Variants in LINGO2 observed in about 807,000 individuals in gnomAD.
LINGO2 encodes the protein leucine rich repeat and Ig domain containing 2, also known as leucine-rich repeat and immunoglobulin-like domain-containing nogo receptor-interacting protein 2.
Under a neutral mutation model 30.6 loss-of-function variants are expected in LINGO2, and 14 were observed. That is an observed-to-expected ratio of 0.46 (90% CI 0.30 to 0.72). The LOEUF (loss-of-function observed/expected upper bound fraction) is 0.72. LINGO2 is among the 30% of genes least tolerant of loss of function. The probability of loss-of-function intolerance (pLI) is 0.07; values close to 1 mark genes in which losing one functional copy is unlikely to be tolerated. For missense variants in LINGO2, 729 were observed against 751.7 expected (o/e 0.97, Z 0.35); for synonymous variants, 317 against 288.5 (o/e 1.10, Z -1.00).
chr9:28,718,441 G>A, the LINGO2 span, among the ~76,000 whole-genome samples: 3 of 151,950 alleles, frequency 2.0e-5, no homozygotes, highest in African/African-American at 7.2e-5. Flanking sequence ...ACCAAACATT[G>A]CTATCATACC....
At chr9:28,982,001 A>G in the LINGO2 span, among the ~76,000 whole-genome samples, 1 of 152,156 alleles carries the variant, frequency 6.6e-6, no homozygotes, top group Non-Finnish European at 1.5e-5. Flanking sequence ...AGAAGTCTAG[A>G]GTAAAAAGAG....
chr9:28,620,734 C>T (rs192969600), intron 1 of LINGO2, among the ~76,000 whole-genome samples: 56 of 152,060 alleles, frequency 3.7e-4, no homozygotes, highest in Admixed American at 1.3e-3. Flanking sequence ...GAACAGAAAA[C>T]CAAACACCAC....
chr9:29,050,534 G>T, the LINGO2 span, among the ~76,000 whole-genome samples: 1 of 152,194 alleles, frequency 6.6e-6, no homozygotes, highest in South Asian at 2.1e-4. Flanking sequence ...CCTATAGATG[G>T]TGAGTGGGAA....
chr9:29,075,670 G>C, the LINGO2 span, among the ~76,000 whole-genome samples: 1 of 152,008 alleles, frequency 6.6e-6, no homozygotes, highest in Admixed American at 6.6e-5. Flanking sequence ...TTAAAATCCT[G>C]GTGTTTTAAG....
chr9:28,578,164 T>C (rs1460497927), intron 1 of LINGO2, among the ~76,000 whole-genome samples: 2 of 152,134 alleles, frequency 1.3e-5, no homozygotes, highest in Admixed American at 6.6e-5. Flanking sequence ...TTATACATGA[T>C]GAAGAAGGGT....
At chr9:28,042,376 A>C (rs1342530428) in intron 4 of LINGO2, among the ~76,000 whole-genome samples, 4 of 152,206 alleles carry the variant, frequency 2.6e-5, no homozygotes, top group Non-Finnish European at 5.9e-5. Context: ...ATAAAACAGC[A>C]AAATCTGACA....
chr9:28,471,517 G>A (rs1825519312), intron 2 of LINGO2, among the ~76,000 whole-genome samples: 1 of 151,962 alleles, frequency 6.6e-6, no homozygotes, highest in Non-Finnish European at 1.5e-5. Context: ...GCTACACAGG[G>A]GACCACATTT....
At chr9:28,132,336 T>C (rs1827400566) in intron 4 of LINGO2, among the ~76,000 whole-genome samples, 1 of 151,786 alleles carries the variant, frequency 6.6e-6, no homozygotes, top group African/African-American at 2.4e-5. Flanking sequence ...TGTAGAGCTA[T>C]TGAAAGATAA....
At chr9:28,897,626 T>C in the LINGO2 span, among the ~76,000 whole-genome samples, 1 of 152,282 alleles carries the variant, frequency 6.6e-6, no homozygotes, top group East Asian at 1.9e-4. Context: ...TCTGATATTT[T>C]CTATTAGTTA....
chr9:28,943,568 T>A, the LINGO2 span, among the ~76,000 whole-genome samples: 1 of 152,202 alleles, frequency 6.6e-6, no homozygotes, highest in Non-Finnish European at 1.5e-5. Context: ...TGAATGCTGT[T>A]AAGAAAGGCA....
At chr9:28,728,760 G>A in the LINGO2 span, among the ~76,000 whole-genome samples, 1 of 151,924 alleles carries the variant, frequency 6.6e-6, no homozygotes, top group Non-Finnish European at 1.5e-5. Flanking sequence ...AAAATGTTGG[G>A]AACTCAAAGA....
At chr9:29,160,316 T>C in the LINGO2 span, among the ~76,000 whole-genome samples, 37,856 of 152,126 alleles carry the variant, frequency 0.25, 4,903 homozygotes, top group East Asian at 0.44. Flanking sequence ...GTTTCTGAAG[T>C]GACAACACTT....
the LINGO2 span, among the ~76,000 whole-genome samples, chr9:29,134,370 AT>A: frequency 9.9e-5 from 15 of 151,838 alleles, no homozygotes; most frequent in Admixed American, 3.3e-4. Flanking sequence ...CAAAATAAAC[AT>A]TTTTTTATTC....
At chr9:29,171,250 T>C in the LINGO2 span, among the ~76,000 whole-genome samples, 9 of 152,114 alleles carry the variant, frequency 5.9e-5, no homozygotes, top group African/African-American at 2.2e-4. Context: ...AGTTCATACT[T>C]GTAAGGACCA....
the LINGO2 span, among the ~76,000 whole-genome samples, chr9:29,013,109 C>T: frequency 6.6e-6 from 1 of 152,174 alleles, no homozygotes; most frequent in Non-Finnish European, 1.5e-5. Flanking sequence ...ATGGGAAAAT[C>T]TCGTATTGAC....
chr9:28,846,739 A>T, the LINGO2 span, among the ~76,000 whole-genome samples: 1 of 147,520 alleles, frequency 6.8e-6, no homozygotes, highest in Non-Finnish European at 1.5e-5. Flanking sequence ...ACTGCATTTC[A>T]CTTCCCTGTT....
At chr9:29,144,383 C>T in the LINGO2 span, among the ~76,000 whole-genome samples, 1 of 151,924 alleles carries the variant, frequency 6.6e-6, no homozygotes, top group African/African-American at 2.4e-5. Flanking sequence ...TTGATTCTTC[C>T]TGTCTACGAA....
At chr9:28,153,806 T>A (rs1194811205) in intron 4 of LINGO2, among the ~76,000 whole-genome samples, 1 of 152,102 alleles carries the variant, frequency 6.6e-6, no homozygotes, top group East Asian at 1.9e-4. Context: ...AAATTAATAA[T>A]TAAACAGTAA....
chr9:28,697,249 T>G, the LINGO2 span, among the ~76,000 whole-genome samples: 3 of 152,036 alleles, frequency 2.0e-5, no homozygotes, highest in South Asian at 6.2e-4. Context: ...TTTCCTCTTC[T>G]TCCTAGTGTT....
Sources: gnomAD v4.1 joint callset for allele counts (sites outside exome capture counted in the v4.1 genomes callset) on GRCh38, gnomAD v4.1.1 for gene constraint, MANE v1.5 for transcripts, NCBI Gene and HGNC (gene_info 2026-07-23, HGNC 2026-07-21) for gene names.